Variants in MICALL2 observed in about 807,000 individuals in gnomAD.
MICALL2 encodes the protein MICAL-like protein 2.
Under a neutral mutation model 91.1 loss-of-function variants are expected in MICALL2, and 111 were observed. The ratio of observed to expected loss-of-function variants is 1.22; its 90% confidence interval spans 1.04 to 1.43. MICALL2 has a LOEUF of 1.43. Among genes scored for constraint, MICALL2 ranks in the 40% most tolerant of loss-of-function variants. The probability of loss-of-function intolerance (pLI) is 0.00; values close to 1 mark genes in which losing one functional copy is unlikely to be tolerated. For missense variants in MICALL2, 1,556 were observed against 1,236.0 expected, an observed-to-expected ratio of 1.26 and a Z score of -3.88; for synonymous variants, 694 against 525.3, an observed-to-expected ratio of 1.32 and a Z score of -4.39.
At chr7:1,438,656 G>A (rs1049639819) in intron 10 of MICALL2, 184 bp downstream of exon 10, 16 of 1,426,952 alleles carry the variant, frequency 1.1e-5, no homozygotes, top group Admixed American at 5.8e-5. Context: ...AAGGTACTCT[G>A]AAACAGCTAG....
At chr7:1,450,380 A>G in intron 1 of MICALL2, 92 bp from the exon 2 acceptor site, 1 of 1,059,006 alleles carries the variant, frequency 9.4e-7, no homozygotes. Flanking sequence ...CAAACAGAGA[A>G]ACCGAGGCCA....
chr7:1,447,416 G>A (rs773656446), intron 4 of MICALL2, among the ~76,000 whole-genome samples, 159 bp downstream of exon 4: 6 of 152,164 alleles, frequency 3.9e-5, no homozygotes, highest in East Asian at 3.8e-4. Flanking sequence ...TGGAGAGCCC[G>A]GTCCTGGCGG....
Position 1,447,553 on chromosome 7 carries a change from G to C in MICALL2, c.525+22C>G, listed in dbSNP as rs1454299624. 9 of 1,415,108 alleles carry C rather than the reference G, an allele frequency of 6.4e-6. No individual in the cohort carries two copies. In the South Asian group the frequency reaches 1.2e-4, roughly 19 times the overall value. The allele number at this position is 1,415,108 out of a possible 1,614,324, so 87.7% of individuals were successfully genotyped here. The stretch of plus-strand genomic sequence containing the variant: ...CGGTGGAAAACCCAGAGAACCAGGG[G>C]GAGGGTGGGGTGGGAGCTTACAGTC... On this transcript the variant is annotated intron_variant, in intron 4 of 16. Coordinates refer to ENST00000297508, the MANE Select transcript of MICALL2 (RefSeq NM_182924.4).
chr7:1,437,286 G>C, intron 14 of MICALL2: 1 of 510,458 alleles, frequency 2.0e-6, no homozygotes, highest in Non-Finnish European at 3.4e-6. Flanking sequence ...CAACAGCTGC[G>C]TGAGGTGGGT....
At chr7:1,436,638 C>T (rs1054415129) in intron 15 of MICALL2, 104 bp downstream of exon 15, 9 of 759,460 alleles carry the variant, frequency 1.2e-5, no homozygotes, top group African/African-American at 3.6e-5. Context: ...AGACAATAAC[C>T]GCCTGGTCAG....
Position 1,440,703 on chromosome 7 carries a change from G to A in MICALL2, c.1712-19C>T. The A allele has an allele frequency of 3.1e-6, 5 of 1,602,442 alleles. No individual in the cohort carries two copies. The highest frequency in any genetic ancestry group is 4.3e-6 in the Non-Finnish European group (5 of 1,173,722). ...CTCATGTCTGGGTGGGAGGCAAGGG[G>A]TCTGGGTGTGAGGAAGGAGTGCTGG... On this transcript the variant is annotated intron_variant, in intron 7 of 16. Transcript: ENST00000297508.
At position 1,459,227 on chromosome 7, in the gene MICALL2, G is replaced by C; in HGVS notation, c.100C>G (p.Leu34Val). ...CGGTGCAGGATGGCGCAGAAAGCCA[G>C]GCCGTCGCGGAACGACGTGGTCATG... ...CNMTTSFRDGLAFCAILHRHR... is the reference protein window; with the variant it reads ...CNMTTSFRDGVAFCAILHRHR... The change falls in exon 1 of 17, where the codon CTG becomes GTG. Residue 34 changes from leucine (L) to valine (V), a missense_variant. Coordinates refer to ENST00000297508, the MANE Select transcript of MICALL2 (RefSeq NM_182924.4). The C allele has an allele frequency of 6.2e-7, 1 of 1,611,090 alleles. No homozygotes were observed. Among genetic ancestry groups the C allele is most frequent in the Non-Finnish European group, 8.5e-7 (1 of 1,179,058 alleles).
chr7:1,450,455 G>A (rs4720782), intron 1 of MICALL2, 167 bp from the exon 2 acceptor site: 53,189 of 638,836 alleles, frequency 0.083, 2,881 homozygotes, highest in Admixed American at 0.21. Context: ...CAGGGCTCCC[G>A]GCCCTGCTCC....
At chr7:1,453,601 C>T (rs924485462) in intron 1 of MICALL2, among the ~76,000 whole-genome samples, 3 of 152,186 alleles carry the variant, frequency 2.0e-5, no homozygotes, top group Non-Finnish European at 4.4e-5. Flanking sequence ...AGCTTCCCCC[C>T]ACTCAGCAAG....
At chr7:1,435,215 C>G in intron 15 of MICALL2, 68 bp from the exon 16 acceptor site, 1 of 1,520,406 alleles carries the variant, frequency 6.6e-7, no homozygotes, top group Non-Finnish European at 9.1e-7. Context: ...GGCCTCCGGA[C>G]AGTCTCCAGC....
rs1413757584 is a variant in MICALL2, at chr7:1,440,579, C to T, written c.1805+12G>A. On this transcript the variant is annotated intron_variant, in intron 8 of 16. Coordinates refer to ENST00000297508, the MANE Select transcript of MICALL2 (RefSeq NM_182924.4). ...TGTACCAGGCCCTGGGCCAGCCCCACCCATCCCTAACCTCTCAGCTGGGCT... is the reference window on the plus strand; with the variant it reads ...TGTACCAGGCCCTGGGCCAGCCCCATCCATCCCTAACCTCTCAGCTGGGCT... 4.3e-6 allele frequency: 7 copies of T among 1,610,974 alleles called. No individual in the cohort carries two copies. In the South Asian group the frequency reaches 6.6e-5, roughly 15 times the overall value.
At chr7:1,439,044 G>A (rs1423242499) in intron 9 of MICALL2, 49 bp from the exon 10 acceptor site, 4 of 1,442,418 alleles carry the variant, frequency 2.8e-6, no homozygotes, top group Admixed American at 1.8e-5. Context: ...AGGGCCACTG[G>A]GAGCCTGGGG....
chr7:1,458,044 G>A (rs532797179), intron 1 of MICALL2, among the ~76,000 whole-genome samples: 2 of 152,386 alleles, frequency 1.3e-5, no homozygotes, highest in East Asian at 3.9e-4. Context: ...AGCGGCTGCT[G>A]CCCAAACGCC....
At position 1,438,321 on chromosome 7, in the gene MICALL2, G is replaced by A; in HGVS notation, c.2155C>T (p.Leu719=). ...GGGGAGGTCACCGTCTCGCCAGGCA[G>A]AGCAGGGACATTGGCCGGGGACAAG... ...RPLSPANVPA[L]PGETVTSPVR... The change falls in exon 11 of 17, where the codon CTG becomes TTG. Residue 719 remains leucine (L), a synonymous_variant. Coordinates refer to ENST00000297508, the MANE Select transcript of MICALL2 (RefSeq NM_182924.4). 1 of 1,604,910 alleles carries A rather than the reference G, an allele frequency of 6.2e-7. No individual in the cohort carries two copies. The highest frequency in any genetic ancestry group is 1.3e-5 in the African/African-American group (1 of 74,880).
At chr7:1,443,935 C>T (rs1197317562) in intron 6 of MICALL2, among the ~76,000 whole-genome samples, 1 of 152,190 alleles carries the variant, frequency 6.6e-6, no homozygotes, top group African/African-American at 2.4e-5. Flanking sequence ...CAGGCAGGCG[C>T]CGGGCCCAGG....
rs1163612257 is a variant in MICALL2 at position 1,459,379 on chromosome 7, G to A, written c.-53C>T. The A allele has an allele frequency of 1.4e-6, 2 of 1,386,092 alleles. No homozygotes were observed. The highest frequency in any genetic ancestry group is 1.5e-5 in the African/African-American group (1 of 65,054). The allele number at this position is 1,386,092 out of a possible 1,614,324, so 85.9% of individuals were successfully genotyped here. ...AACCGCCCTCCGACACCTTCCCGCGGCTGTGCCGCGACCGCCCGGCCGGCG... is the reference window on the plus strand; with the variant it reads ...AACCGCCCTCCGACACCTTCCCGCGACTGTGCCGCGACCGCCCGGCCGGCG... On this transcript the variant is annotated 5_prime_UTR_variant, in exon 1 of 17. Transcript: ENST00000297508.
rs774726482 is a variant in MICALL2 at position 1,436,727 on chromosome 7, G to C, written c.2591+15C>G. ...CTGGCCTGGCTGGGAGGGGCCCCCG[G>C]CACCTGCCCCTCACCGGAGCCGGTC... On this transcript the variant is annotated intron_variant, in intron 15 of 16. Coordinates refer to ENST00000297508, the MANE Select transcript of MICALL2 (RefSeq NM_182924.4). 1 of 1,590,750 alleles carries C rather than the reference G, an allele frequency of 6.3e-7. No individual in the cohort carries two copies. Among genetic ancestry groups the C allele is most frequent in the Non-Finnish European group, 8.6e-7 (1 of 1,169,540 alleles).
intron 7 of MICALL2, chr7:1,441,714 G>A (rs937007085): frequency 3.3e-5 from 6 of 180,704 alleles, no homozygotes; most frequent in African/African-American, 1.2e-4. Context: ...CACCGTCACC[G>A]GGACACCACA....
chr7:1,446,532 G>C, intron 5 of MICALL2, 181 bp downstream of exon 5: 1 of 557,430 alleles, frequency 1.8e-6, no homozygotes, highest in East Asian at 3.3e-5. Flanking sequence ...GAGAAGGGGA[G>C]GAGAGGGGAG....
Sources: gnomAD v4.1 joint callset for allele counts (sites outside exome capture counted in the v4.1 genomes callset) on GRCh38, gnomAD v4.1.1 for gene constraint, MANE v1.5 for transcripts, NCBI Gene and HGNC (gene_info 2026-07-23, HGNC 2026-07-21) for gene names.